The following CBX6 variants were observed in gnomAD, a reference collection of about 807,000 sequenced individuals.
The protein encoded by CBX6 is chromobox protein homolog 6.
In CBX6, 7 loss-of-function variants were observed where a neutral mutation model predicts 28.4. The ratio of observed to expected loss-of-function variants is 0.25; its 90% CI spans 0.14 to 0.46. The LOEUF (loss-of-function observed/expected upper bound fraction) is 0.46, where lower values mean the gene tolerates loss of function less well. CBX6 is among the 20% of genes least tolerant of loss of function. The probability of loss-of-function intolerance (pLI) is 0.99; values close to 1 mark genes in which losing one functional copy is unlikely to be tolerated. For synonymous variants in CBX6, 297 were observed against 273.4 expected (o/e 1.09, Z -0.85); for missense variants, 512 against 606.1 (o/e 0.84, Z 1.63).
chr22:38,871,394 C>T lies in CBX6; in HGVS notation c.246+86G>A. The T allele has an allele frequency of 1.5e-6, 2 of 1,375,614 alleles. No individual in the cohort carries two copies. The highest frequency in any genetic ancestry group is 2.0e-6 in the Non-Finnish European group (2 of 1,000,830). The allele number at this position is 1,375,614 out of a possible 1,614,324, so 85.2% of individuals were successfully genotyped here. A position where few individuals can be genotyped will look rare whatever the true frequency, so the allele number is the denominator to read the frequency against. ...AAAGGCCGGCCCGCTTGGGCGGCCG[C>T]GTATCTGTCCCTCCCTTCCAGGCCC... On this transcript the variant is annotated intron_variant, in intron 4 of 4. Coordinates refer to ENST00000407418, the MANE Select transcript of CBX6 (RefSeq NM_014292.5). The surrounding 1 kb of genome is among the most constrained non-coding windows in gnomAD (Gnocchi z 5.6).
At position 38,866,432 on chromosome 22, in the gene CBX6, G is replaced by A. The variant is rs183275634; in HGVS notation, c.1016C>T (p.Ala339Val). ...GGCGGGCTCAGGGGCCGTGGGAGGT[G>A]CCGGGCCGGCAGCAGCTGTGACCTC... ...PPEVTAAAGP[A>V]PPTAPEPAGA... is the part of the protein sequence containing the mutation. The change falls in exon 5 of 5, where the codon GCA (alanine) becomes GTA (valine). Residue 339 changes from alanine to valine, a missense_variant. Ala to Val is a moderately conservative substitution (Grantham distance 64). Around this residue, in one of 7 missense-constraint regions of CBX6, gnomAD observed 290 missense variants for 274.1 expected, o/e 1.06. Coordinates refer to ENST00000407418, the MANE Select transcript of CBX6 (RefSeq NM_014292.5). The surrounding 1 kb of genome is among the most constrained non-coding windows in gnomAD (Gnocchi z 7.5). 44 of 1,609,594 alleles carry A rather than the reference G, an allele frequency of 2.7e-5. No individual in the cohort carries two copies. In the African/African-American group the frequency reaches 5.5e-4, roughly 20 times the overall value.
Position 38,871,927 on chromosome 22 carries a change from C to T in CBX6, c.88G>A (p.Val30Met). 6.5e-7 allele frequency: 1 copy of T among 1,543,146 alleles called. No individual in the cohort carries two copies. Among genetic ancestry groups the T allele is most frequent in the Non-Finnish European group, 8.7e-7 (1 of 1,143,804 alleles). Residue 30 changes from valine (V) to methionine (M), a missense_variant, in exon 2 of 5, where the codon GTG (valine) becomes ATG (methionine). Val to Met is a conservative substitution (Grantham distance 21). Coordinates refer to ENST00000407418, the MANE Select transcript of CBX6 (RefSeq NM_014292.5). The surrounding 1 kb of genome is among the most constrained non-coding windows in gnomAD (Gnocchi z 5.6). ...TTGATCGCCCACCCCTTCCATTTCA[C>T]CAGGTACTCGATGCGTCCCTGAAAA... ...RIRKGRIEYLVKWKGWAIKYS... is the reference protein window; with the variant it reads ...RIRKGRIEYLMKWKGWAIKYS...
chr22:38,866,849 G>C lies in CBX6; in HGVS notation c.599C>G (p.Pro200Arg). The C allele has an allele frequency of 3.7e-6, 6 of 1,610,496 alleles. No homozygotes were observed. The highest frequency in any genetic ancestry group is 5.1e-6 in the Non-Finnish European group (6 of 1,178,528). The change falls in exon 5 of 5, where the codon CCC becomes CGC. Residue 200 changes from proline to arginine, a missense_variant. Physicochemically the swap from Pro to Arg is moderately radical, Grantham distance 103. Around this residue, in one of 7 missense-constraint regions of CBX6, gnomAD observed 290 missense variants for 274.1 expected, o/e 1.06. Coordinates refer to ENST00000407418, the MANE Select transcript of CBX6 (RefSeq NM_014292.5). This position sits in a 1 kb window ranked among gnomAD's most constrained non-coding sequence, Gnocchi z 7.5. The stretch of plus-strand genomic sequence containing the variant: ...AACGCGGTTCCGCGAGGGGACTTTG[G>C]GGCGGGCCAGCGCCCCGGCCCCCTG... ...AGQGAGALAR[P>R]KVPSRNRVIG...
chr22:38,871,615 G>A lies in CBX6; in HGVS notation c.180-69C>T. 2 of 1,610,604 alleles carry A rather than the reference G, an allele frequency of 1.2e-6. No homozygotes were observed. The highest frequency in any genetic ancestry group is 1.3e-5 in the African/African-American group (1 of 74,954). On this transcript the variant is annotated intron_variant, in intron 3 of 4. Coordinates refer to ENST00000407418, the MANE Select transcript of CBX6 (RefSeq NM_014292.5). This position sits in a 1 kb window ranked among gnomAD's most constrained non-coding sequence, Gnocchi z 5.6. ...GGCCCCACTCCGCGCTGCCCTCCCC[G>A]GCTCTCCCGCTTCCCCGCGCGGCGC...
chr22:38,867,525 G>A (rs986608882), intron 4 of CBX6, among the ~76,000 whole-genome samples: 2 of 152,200 alleles, frequency 1.3e-5, no homozygotes, highest in African/African-American at 4.8e-5. Context: ...CTGACACGGA[G>A]GAGTGTCGAC....
Position 38,872,066 on chromosome 22 carries a change from C to CCCCGGG in CBX6, c.69+55_69+56insCCCGGG. On this transcript the variant is annotated intron_variant, in intron 1 of 4. Transcript: ENST00000407418. This position sits in a 1 kb window ranked among gnomAD's most constrained non-coding sequence, Gnocchi z 5.0. Reference sequence around the variant, plus strand: ...AGCGGGACCGCTTCGCCCCGAGGGCCCCCGGCCCCGGCCCCGGCTGCGGAC... The same window carrying CCCCGGG: ...AGCGGGACCGCTTCGCCCCGAGGGCCCCCGGGCCCGGCCCCGGCCCCGGCTGCGGAC... The CCCCGGG allele has an allele frequency of 7.8e-7, 1 of 1,276,638 alleles. No homozygotes were observed. The allele number at this position is 1,276,638 out of a possible 1,614,324, so 79.1% of individuals were successfully genotyped here.
chr22:38,871,789 G>A lies in CBX6; in HGVS notation c.114-32C>T. 6.2e-7 allele frequency: 1 copy of A among 1,601,568 alleles called. No individual in the cohort carries two copies. The highest frequency in any genetic ancestry group is 8.5e-7 in the Non-Finnish European group (1 of 1,172,104). ...AGTCACAAACGCACAAAATCAGGAT[G>A]AAGACCAGAGAGGGACAGGCACGCG... On this transcript the variant is annotated intron_variant, in intron 2 of 4. Transcript: ENST00000407418. The surrounding 1 kb of genome is among the most constrained non-coding windows in gnomAD (Gnocchi z 5.6).
chr22:38,871,845 G>T lies in CBX6; in HGVS notation c.113+57C>A. 2 of 1,555,744 alleles carry T rather than the reference G, an allele frequency of 1.3e-6. No individual in the cohort carries two copies. The highest frequency in any genetic ancestry group is 1.7e-6 in the Non-Finnish European group (2 of 1,146,416). ...AGCAAGAGCGCGCACCCCCACCCCA[G>T]GCCCCGGTGCCCGCTGCCTCCCCTC... On this transcript the variant is annotated intron_variant, in intron 2 of 4. Coordinates refer to ENST00000407418, the MANE Select transcript of CBX6 (RefSeq NM_014292.5). This position sits in a 1 kb window ranked among gnomAD's most constrained non-coding sequence, Gnocchi z 5.6.
chr22:38,864,246 T>G lies in CBX6; in HGVS notation c.*1963A>C, dbSNP rs1132719. 15 of 151,976 alleles carry G rather than the reference T, an allele frequency of 9.9e-5. No individual in the cohort carries two copies. The highest frequency in any genetic ancestry group is 1.9e-4 in the Non-Finnish European group (13 of 67,966). The allele number at this position is 151,976 out of a possible 1,614,324, so 9.4% of individuals were successfully genotyped here. ...TTCTTTTTTTTTTCCTCTTTTTTTG[T>G]TTTTGTTTTTTTGCAAAACTAATTC... On this transcript the variant is annotated 3_prime_UTR_variant, in exon 5 of 5. Coordinates refer to ENST00000407418, the MANE Select transcript of CBX6 (RefSeq NM_014292.5).
At position 38,866,391 on chromosome 22, in the gene CBX6, G is replaced by A. The variant is rs1159820189; in HGVS notation, c.1057C>T (p.Pro353Ser). ...TCGGGGCGCCAGTCCCCAGCCTCGG[G>A]CTCGGAGGAGGCACCGGCGGGCTCA... is the stretch of plus-strand genomic sequence containing the variant. ...APEPAGASSE[P>S]EAGDWRPEMS... Residue 353 changes from proline to serine, a missense_variant, in exon 5 of 5, where the codon CCC becomes TCC. This residue lies in a region of CBX6 where 290 missense variants were observed against 274.1 expected (regional missense o/e 1.06). Coordinates refer to ENST00000407418, the MANE Select transcript of CBX6 (RefSeq NM_014292.5). This position sits in a 1 kb window ranked among gnomAD's most constrained non-coding sequence, Gnocchi z 7.5. 4 of 1,613,294 alleles carry A rather than the reference G, an allele frequency of 2.5e-6. No individual in the cohort carries two copies. The highest frequency in any genetic ancestry group is 3.4e-6 in the Non-Finnish European group (4 of 1,179,914).
In CBX6 at chr22:38,866,992, G is replaced by A. The variant is rs545871135; in HGVS notation, c.456C>T (p.Pro152=). ...TGATGATGCGCACCGTCTCCGAGAA[G>A]GGCGAAATGGGCGGGCGCAGTCCGG... ...GSPGLRPPIS[P]FSETVRIINR... is the part of the protein sequence containing the mutation. The change falls in exon 5 of 5, where the codon CCC becomes CCT. Residue 152 remains proline, a synonymous_variant. Coordinates refer to ENST00000407418, the MANE Select transcript of CBX6 (RefSeq NM_014292.5). This position sits in a 1 kb window ranked among gnomAD's most constrained non-coding sequence, Gnocchi z 7.5. The A allele has an allele frequency of 6.2e-7, 1 of 1,608,072 alleles. No homozygotes were observed. The highest frequency in any genetic ancestry group is 1.1e-5 in the South Asian group (1 of 90,704).
In CBX6 at chr22:38,872,102, C is replaced by A; in HGVS notation, c.69+20G>T. 2.2e-6 allele frequency: 3 copies of A among 1,365,706 alleles called. No individual in the cohort carries two copies. Among genetic ancestry groups the A allele is most frequent in the South Asian group, 1.5e-5 (1 of 65,660 alleles). The allele number at this position is 1,365,706 out of a possible 1,614,324, so 84.6% of individuals were successfully genotyped here. ...GCCCCGGCTGCGGACAGCGGCGGCC[C>A]GCCCCGGGCGGCGGCTCACCTTTCG... On this transcript the variant is annotated intron_variant, in intron 1 of 4. Transcript: ENST00000407418. The surrounding 1 kb of genome is among the most constrained non-coding windows in gnomAD (Gnocchi z 5.0).
intron 4 of CBX6, 145 bp from the exon 5 acceptor site, chr22:38,867,346 G>A (rs59754487): frequency 1.1e-5 from 8 of 756,566 alleles, no homozygotes; most frequent in Non-Finnish European, 1.5e-5. Flanking sequence ...TCATGACCTC[G>A]ACTTAGAAAA....
Position 38,867,015 on chromosome 22 carries a change from C to G in CBX6, c.433G>C (p.Gly145Arg), listed in dbSNP as rs998306460. The change falls in exon 5 of 5, where the codon GGA becomes CGA. Residue 145 changes from glycine to arginine, a missense_variant. Around this residue, in one of 7 missense-constraint regions of CBX6, gnomAD observed 123 missense variants for 138.1 expected, o/e 0.89. Transcript: ENST00000407418. ...PRPDPQGGSP[G>R]LRPPISPFSE... Reference sequence around the variant, plus strand: ...AAGGGCGAAATGGGCGGGCGCAGTCCGGGGCTGCCCCCCTGCGGGTCCGGG... The same window carrying G: ...AAGGGCGAAATGGGCGGGCGCAGTCGGGGGCTGCCCCCCTGCGGGTCCGGG... 1.2e-6 allele frequency: 2 copies of G among 1,605,536 alleles called. No individual in the cohort carries two copies. The highest frequency in any genetic ancestry group is 1.7e-6 in the Non-Finnish European group (2 of 1,177,356).
intron 4 of CBX6, 95 bp from the exon 5 acceptor site, chr22:38,867,296 A>C: frequency 1.8e-6 from 2 of 1,085,966 alleles, no homozygotes; most frequent in Non-Finnish European, 1.3e-6. Context: ...AGAGCCTCTC[A>C]GCCAGCGATC....
chr22:38,867,131 G>A lies in CBX6; in HGVS notation c.317C>T (p.Ser106Phe), dbSNP rs1339292261. The change falls in exon 5 of 5, where the codon TCC (serine) becomes TTC (phenylalanine). Residue 106 changes from serine to phenylalanine, a missense_variant. Ser to Phe is a radical substitution (Grantham distance 155). Around this residue, in one of 7 missense-constraint regions of CBX6, gnomAD observed 123 missense variants for 138.1 expected, o/e 0.89. Transcript: ENST00000407418. Reference sequence around the variant, plus strand: ...TGCGCTGGAGTGCAGCTTGGGCGAGGAGGCACTGGCGCTCGGCTTGACAGA... The same window carrying A: ...TGCGCTGGAGTGCAGCTTGGGCGAGAAGGCACTGGCGCTCGGCTTGACAGA... The part of the protein sequence containing the change: ...HFSVKPSASA[S>F]SPKLHSSAAV... 6.3e-7 allele frequency: 1 copy of A among 1,581,734 alleles called. No individual in the cohort carries two copies.
intron 4 of CBX6, chr22:38,869,954 C>G (rs2093178519): frequency 1.3e-5 from 2 of 152,238 alleles, no homozygotes; most frequent in African/African-American, 4.8e-5. Flanking sequence ...ATGTGTTCAG[C>G]CCAAGCTAAT....
Position 38,864,416 on chromosome 22 carries a change from G to A in CBX6, c.*1793C>T, listed in dbSNP as rs540577212. 1 of 151,210 alleles carries A rather than the reference G, an allele frequency of 6.6e-6. No homozygotes were observed. Among genetic ancestry groups the A allele is most frequent in the South Asian group, 2.1e-4 (1 of 4,832 alleles). 9.4% of individuals were successfully genotyped at this position (151,210 alleles called of 1,614,324 possible). On this transcript the variant is annotated 3_prime_UTR_variant, in exon 5 of 5. Transcript: ENST00000407418. ...CACCCAGGTGGTCACTCACCTGGGG[G>A]AGGGGGTCAGGGGGAAATCACCTCC... is the stretch of plus-strand genomic sequence containing the variant.
At position 38,866,556 on chromosome 22, in the gene CBX6, C is replaced by T; in HGVS notation, c.892G>A (p.Glu298Lys). The T allele has an allele frequency of 6.3e-7, 1 of 1,576,800 alleles. No individual in the cohort carries two copies. The highest frequency in any genetic ancestry group is 8.6e-7 in the Non-Finnish European group (1 of 1,168,708). The change falls in exon 5 of 5, where the codon GAG becomes AAG. Residue 298 changes from glutamate (E) to lysine (K), a missense_variant. Coordinates refer to ENST00000407418, the MANE Select transcript of CBX6 (RefSeq NM_014292.5). This position sits in a 1 kb window ranked among gnomAD's most constrained non-coding sequence, Gnocchi z 7.5. ...PDDTPPKLLP[E>K]TVSPSAPSWR... ...CTGGGGGCGGATGGGCTCACGGTCT[C>T]GGGGAGGAGCTTGGGGGGCGTGTCG...
Sources: gnomAD v4.1 joint callset for allele counts (sites outside exome capture counted in the v4.1 genomes callset) on GRCh38, gnomAD v4.1.1 for gene constraint, gnomAD v4.1.1 regional missense constraint, Gnocchi (gnomAD v3.1) non-coding constraint, MANE v1.5 for transcripts, NCBI Gene and HGNC (gene_info 2026-07-23, HGNC 2026-07-21) for gene names.